CDA: variants seen among roughly 807,000 people sequenced by gnomAD.
CDA encodes cytidine aminohydrolase.
In CDA, 7 loss-of-function variants were observed where a neutral mutation model predicts 15.0. The observed-to-expected ratio is 0.47, with a 90% CI of 0.26 to 0.87. The LOEUF (loss-of-function observed/expected upper bound fraction) is 0.87, where lower values mean the gene tolerates loss of function less well. CDA is among the 40% of genes least tolerant of loss of function. The pLI, the probability that CDA is intolerant of heterozygous loss-of-function variation, is 0.15. For synonymous variants in CDA, 58 were observed against 73.0 expected (o/e 0.79, Z 1.05); for missense variants, 159 against 182.7 (o/e 0.87, Z 0.75).
intron 1 of CDA, among the ~76,000 whole-genome samples, chr1:20,594,759 A>G (rs2052577538): frequency 6.7e-6 from 1 of 149,884 alleles, no homozygotes; most frequent in African/African-American, 2.4e-5. Context: ...ACTGCACTCC[A>G]GCCTGGGCGA....
At chr1:20,610,173 A>T (rs768440150) in intron 2 of CDA, among the ~76,000 whole-genome samples, 22 of 151,940 alleles carry the variant, frequency 1.4e-4, no homozygotes, top group Non-Finnish European at 2.5e-4. Flanking sequence ...AGTGCCCAGC[A>T]CTGCTCAGTA....
At chr1:20,612,453 C>G (rs2052760251) in intron 2 of CDA, among the ~76,000 whole-genome samples, 1 of 152,052 alleles carries the variant, frequency 6.6e-6, no homozygotes, top group Non-Finnish European at 1.5e-5. Context: ...ACATTCCACC[C>G]CCCCACCACC....
intron 1 of CDA, among the ~76,000 whole-genome samples, chr1:20,594,761 C>T (rs1023883691): frequency 6.1e-5 from 9 of 148,538 alleles, no homozygotes; most frequent in African/African-American, 1.7e-4. Flanking sequence ...TGCACTCCAG[C>T]CTGGGCGACA....
intron 1 of CDA, among the ~76,000 whole-genome samples, chr1:20,599,235 G>T (rs983330778): frequency 2.6e-5 from 4 of 152,176 alleles, no homozygotes; most frequent in Non-Finnish European, 4.4e-5. Flanking sequence ...AGGACAACAG[G>T]TCTAGAGAAC....
intron 3 of CDA, 61 bp downstream of exon 3, chr1:20,613,960 C>A: frequency 6.7e-7 from 1 of 1,496,780 alleles, no homozygotes; most frequent in South Asian, 1.1e-5. Context: ...GCTATGGGAG[C>A]CACGCCAAGT....
At chr1:20,595,731 T>C (rs2101177722) in intron 1 of CDA, among the ~76,000 whole-genome samples, 1 of 150,298 alleles carries the variant, frequency 6.7e-6, no homozygotes, top group South Asian at 2.1e-4. Context: ...TCCCAGCTAC[T>C]CGGGAGGCTG....
At chr1:20,604,429 T>C (rs1183656715) in intron 1 of CDA, among the ~76,000 whole-genome samples, 2 of 152,106 alleles carry the variant, frequency 1.3e-5, no homozygotes, top group African/African-American at 4.8e-5. Flanking sequence ...CTAGGCTTGG[T>C]CCCCTTCATT....
At chr1:20,590,277 G>A (rs2052536918) in intron 1 of CDA, among the ~76,000 whole-genome samples, 1 of 152,198 alleles carries the variant, frequency 6.6e-6, no homozygotes, top group South Asian at 2.1e-4. Flanking sequence ...AAGGAAACAG[G>A]TTTGGAAAGT....
intron 2 of CDA, among the ~76,000 whole-genome samples, 200 bp downstream of exon 2, chr1:20,605,239 G>T (rs1489814894): frequency 6.6e-6 from 1 of 152,132 alleles, no homozygotes; most frequent in African/African-American, 2.4e-5. Flanking sequence ...CAGTGAGCCT[G>T]CAAAGCAGGT....
chr1:20,609,077 T>C (rs972586021), intron 2 of CDA, among the ~76,000 whole-genome samples: 2 of 152,198 alleles, frequency 1.3e-5, no homozygotes, highest in African/African-American at 4.8e-5. Context: ...TGTTGAAGCC[T>C]ACACCAAATC....
intron 3 of CDA, among the ~76,000 whole-genome samples, chr1:20,617,806 T>A (rs932181902): frequency 6.6e-5 from 5 of 76,258 alleles, no homozygotes; most frequent in African/African-American, 2.3e-4. Context: ...GAGATTCTCC[T>A]GCCTCAAGCC....
chr1:20,612,457 C>A (rs867771642), intron 2 of CDA, among the ~76,000 whole-genome samples: 5 of 152,078 alleles, frequency 3.3e-5, no homozygotes, highest in Middle Eastern at 3.2e-3. Context: ...TCCACCCCCC[C>A]ACCACCGACA....
intron 2 of CDA, among the ~76,000 whole-genome samples, chr1:20,606,152 G>A (rs10799648): frequency 0.17 from 20,763 of 122,662 alleles, 6,028 homozygotes; most frequent in African/African-American, 0.26. Flanking sequence ...CCCTGTCACC[G>A]AGGTGTGTCC....
At chr1:20,611,201 C>A (rs12722974) in intron 2 of CDA, among the ~76,000 whole-genome samples, 17,741 of 152,192 alleles carry the variant, frequency 0.12, 1,175 homozygotes, top group Non-Finnish European at 0.14. Flanking sequence ...GATTGTGCCA[C>A]TGCACTGTAG....
At chr1:20,595,598 A>G (rs552534667) in intron 1 of CDA, among the ~76,000 whole-genome samples, 40 of 152,276 alleles carry the variant, frequency 2.6e-4, no homozygotes, top group African/African-American at 8.9e-4. Context: ...AAGGAACTTC[A>G]GTTAGTCCTC....
intron 1 of CDA, among the ~76,000 whole-genome samples, chr1:20,594,902 G>A (rs12401770): frequency 0.063 from 9,562 of 152,234 alleles, 437 homozygotes; most frequent in South Asian, 0.2. Context: ...GCCGGTGTTC[G>A]TGCAGCGCCG....
In CDA at chr1:20,614,821, C is replaced by CGAA. The variant is rs1381504497; in HGVS notation, c.324+924_324+926dup. Among the ~76,000 whole-genome samples, 10 of 151,756 alleles carry CGAA rather than the reference C, an allele frequency of 6.6e-5. No homozygotes were observed. In the East Asian group the frequency reaches 1.6e-3, roughly 24 times the overall value. On this transcript the variant is annotated intron_variant, in intron 3 of 3. Transcript: ENST00000375071. The stretch of plus-strand genomic sequence containing the variant: ...GATCACATGGGGCCTGGCCATGGAA[C>CGAA]GAAGGGTACATTTTATTCCAAGAAT...
chr1:20,607,916 C>T (rs1014089723), intron 2 of CDA, among the ~76,000 whole-genome samples: 14 of 152,158 alleles, frequency 9.2e-5, no homozygotes, highest in African/African-American at 3.1e-4. Context: ...AGGAAAGGTC[C>T]GTGTGTCTTA....
chr1:20,605,487 G>A (rs1343733955), intron 2 of CDA, among the ~76,000 whole-genome samples: 3 of 137,750 alleles, frequency 2.2e-5, no homozygotes, highest in African/African-American at 7.8e-5. Flanking sequence ...GTGAAACCCC[G>A]TCTCTACTAA....
Sources: allele counts gnomAD v4.1 joint callset (sites outside exome capture counted in the v4.1 genomes callset), GRCh38; gene constraint gnomAD v4.1.1; transcripts MANE v1.5; gene names NCBI Gene and HGNC (gene_info 2026-07-23, HGNC 2026-07-21).